PAXBP1: variants seen among roughly 807,000 people sequenced by gnomAD.
PAXBP1 encodes the protein PAX3 and PAX7 binding protein 1, also known as PAX3- and PAX7-binding protein 1.
A neutral mutation model predicts 119.9 loss-of-function variants in PAXBP1; 44 were observed. That is an observed-to-expected ratio of 0.37 (90% CI 0.29 to 0.47). The LOEUF is 0.47. Among genes scored for constraint, PAXBP1 ranks in the 20% least tolerant of loss-of-function variants. The pLI is 0.99. For missense variants in PAXBP1, 898 were observed against 1,134.1 expected (o/e 0.79, Z 2.99); for synonymous variants, 393 against 406.6 (o/e 0.97, Z 0.40).
chr21:32,769,243 T>C (rs1024675276), intron 2 of PAXBP1, among the ~76,000 whole-genome samples: 1 of 152,056 alleles, frequency 6.6e-6, no homozygotes, highest in Non-Finnish European at 1.5e-5. Flanking sequence ...AAAGACAAAA[T>C]AACCGCTTAA....
chr21:32,750,864 C>A (rs2146489284), intron 10 of PAXBP1, 53 bp downstream of exon 10: 2 of 1,338,214 alleles, frequency 1.5e-6, no homozygotes, highest in Non-Finnish European at 1.1e-6. Context: ...AAAAACCATA[C>A]CCAAGTAGAA....
chr21:32,740,329 C>T (rs984831533), intron 15 of PAXBP1, among the ~76,000 whole-genome samples: 1 of 152,198 alleles, frequency 6.6e-6, no homozygotes, highest in African/African-American at 2.4e-5. Flanking sequence ...ATTGATGTCT[C>T]GTGTCTCCCT....
At chr21:32,761,756 C>G (rs890514290) in intron 4 of PAXBP1, among the ~76,000 whole-genome samples, 1 of 151,888 alleles carries the variant, frequency 6.6e-6, no homozygotes, top group African/African-American at 2.4e-5. Flanking sequence ...CTTTGGGAGG[C>G]TGAGGCATGG....
chr21:32,752,660 ACG>A (rs2043974906), intron 8 of PAXBP1, among the ~76,000 whole-genome samples: 1 of 152,204 alleles, frequency 6.6e-6, no homozygotes, highest in Admixed American at 6.5e-5. Context: ...ATTTATTGAG[ACG>A]GAGTCTTGCT....
rs111862211 is a variant in PAXBP1, at chr21:32,753,158, T to G, written c.1508-1940A>C. ...CAAGAGTTTTCCTTCAAGAAATATT[T>G]TTAAAAATATCATTATACGGCTGGG... On this transcript the variant is annotated intron_variant, in intron 8 of 17. Coordinates refer to ENST00000331923, the MANE Select transcript of PAXBP1 (RefSeq NM_016631.4). 2.4e-3 allele frequency among the ~76,000 whole-genome samples: 372 copies of G among 152,064 alleles called. 1 individual carries two copies. Among genetic ancestry groups the G allele is most frequent in the African/African-American group, 8.2e-3 (340 of 41,514 alleles).
chr21:32,748,437 G>A (rs917770816), intron 11 of PAXBP1, 62 bp downstream of exon 11: 8 of 1,505,660 alleles, frequency 5.3e-6, no homozygotes, highest in Admixed American at 2.0e-5. Flanking sequence ...CTCTAGCTTT[G>A]AGATTAAAAT....
rs2044136884 is a variant in PAXBP1, at chr21:32,761,089, C to T, written c.945G>A (p.Glu315=). 2.5e-6 allele frequency: 4 copies of T among 1,613,958 alleles called. No individual in the cohort carries two copies. In the East Asian group the frequency reaches 8.9e-5, roughly 36 times the overall value. The part of the protein sequence containing the change: ...QDEELSRWEQ[E]QIRKGINIPQ... ...GGATATTAATTCCTTTCCTTATCTG[C>T]TCCTGTTCCCATCGGCTGAGCTCTT... The change falls in exon 5 of 18, where the codon GAG becomes GAA. Residue 315 remains glutamate, a synonymous_variant. Transcript: ENST00000331923.
Position 32,749,087 on chromosome 21 carries a change from A to C in PAXBP1, c.1724-389T>G, listed in dbSNP as rs576187878. On this transcript the variant is annotated intron_variant, in intron 10 of 17. Coordinates refer to ENST00000331923, the MANE Select transcript of PAXBP1 (RefSeq NM_016631.4). ...CAGCTGTGCATCATAATCAGTCACT[A>C]ATCACATTGCTTCATTCAAACTCTG... Among the ~76,000 whole-genome samples, 8 of 152,360 alleles carry C rather than the reference A, an allele frequency of 5.3e-5. No homozygotes were observed. The South Asian group carries it at 1.7e-3, about 32-fold the overall frequency.
In PAXBP1 at chr21:32,771,698, C is replaced by A. The variant is rs1051008485; in HGVS notation, c.-30G>T. On this transcript the variant is annotated 5_prime_UTR_variant, in exon 1 of 18. Coordinates refer to ENST00000331923, the MANE Select transcript of PAXBP1 (RefSeq NM_016631.4). Reference sequence around the variant, plus strand: ...GCGGCCCGCACGGCGGTCGAATACTCGCTTCCACACCGCGGCCCCGGCAGC... The same window carrying A: ...GCGGCCCGCACGGCGGTCGAATACTAGCTTCCACACCGCGGCCCCGGCAGC... The A allele has an allele frequency of 7.4e-7, 1 of 1,355,232 alleles. No homozygotes were observed. Among genetic ancestry groups the A allele is most frequent in the Non-Finnish European group, 9.5e-7 (1 of 1,054,614 alleles). The allele number at this position is 1,355,232 out of a possible 1,614,324, so 84.0% of individuals were successfully genotyped here.
In PAXBP1 at chr21:32,759,958, A is replaced by G; in HGVS notation, c.1012T>C (p.Tyr338His). 6.2e-7 allele frequency: 1 copy of G among 1,614,096 alleles called. No homozygotes were observed. Among genetic ancestry groups the G allele is most frequent in the Non-Finnish European group, 8.5e-7 (1 of 1,179,922 alleles). Residue 338 changes from tyrosine to histidine, a missense_variant, in exon 6 of 18, where the codon TAC becomes CAC. Tyr to His is a moderately conservative substitution (Grantham distance 83). This residue lies in a region of PAXBP1 where 599 missense variants were observed against 852.7 expected (regional missense o/e 0.70). Coordinates refer to ENST00000331923, the MANE Select transcript of PAXBP1 (RefSeq NM_016631.4). Reference sequence around the variant, plus strand: ...GGCATTGTCTGGTAAGTGTTCTGGTAGTACATATTCACTTCTGCGGGTTGA... The same window carrying G: ...GGCATTGTCTGGTAAGTGTTCTGGTGGTACATATTCACTTCTGCGGGTTGA... ...ASQPAEVNMY[Y>H]QNTYQTMPYG...
At chr21:32,758,644 T>TAAAAAAAAAAAAAAAAAAAAAAAAAAA (rs138934420) in intron 7 of PAXBP1, among the ~76,000 whole-genome samples, 1 of 104,108 alleles carries the variant, frequency 9.6e-6, no homozygotes. Flanking sequence ...TCATCCAGGG[T>TAAAAAAAAAAAAAAAAAAAAAAAAAAA]AAAAAAAAAA....
chr21:32,754,672 C>T (rs1489595924), intron 8 of PAXBP1, among the ~76,000 whole-genome samples: 2 of 152,128 alleles, frequency 1.3e-5, no homozygotes, highest in African/African-American at 2.4e-5. Context: ...CTAAAAAACA[C>T]AGTACATAAA....
In PAXBP1 at chr21:32,761,188, G is replaced by T. The variant is rs753874447; in HGVS notation, c.872-26C>A. Reference sequence around the variant, plus strand: ...CTACAGCCATGAGCAACAAAGAAAAGTAAGTAACACCCAAAGAGCAAAGAG... The same window carrying T: ...CTACAGCCATGAGCAACAAAGAAAATTAAGTAACACCCAAAGAGCAAAGAG... On this transcript the variant is annotated intron_variant, in intron 4 of 17. Coordinates refer to ENST00000331923, the MANE Select transcript of PAXBP1 (RefSeq NM_016631.4). 25 of 1,566,966 alleles carry T rather than the reference G, an allele frequency of 1.6e-5. No individual in the cohort carries two copies. The South Asian group carries it at 2.7e-4, about 17-fold the overall frequency.
Position 32,750,925 on chromosome 21 carries a change from A to T in PAXBP1, c.1715T>A (p.Leu572Gln). The change falls in exon 10 of 18, where the codon CTG (leucine) becomes CAG (glutamine). Residue 572 changes from leucine (L) to glutamine (Q), a missense_variant. Transcript: ENST00000331923. The part of the protein sequence containing the change: ...ETSTDITNFN[L>Q]EKDRISKESG... ...CCAAATAAATGTCTAACCTTTTTCCAGATTGAAATTAGTAATATCTGTAGA... is the reference window on the plus strand; with the variant it reads ...CCAAATAAATGTCTAACCTTTTTCCTGATTGAAATTAGTAATATCTGTAGA... The T allele has an allele frequency of 6.2e-7, 1 of 1,607,702 alleles. No homozygotes were observed. Among genetic ancestry groups the T allele is most frequent in the Non-Finnish European group, 8.5e-7 (1 of 1,176,776 alleles).
chr21:32,767,776 T>C (rs573747333), intron 2 of PAXBP1, among the ~76,000 whole-genome samples: 1 of 152,286 alleles, frequency 6.6e-6, no homozygotes, highest in South Asian at 2.1e-4. Context: ...GTAAGTCCAA[T>C]TAAACCTCTT....
At chr21:32,756,354 C>T (rs953884075) in intron 7 of PAXBP1, 1 of 526,756 alleles carries the variant, frequency 1.9e-6, no homozygotes, top group Non-Finnish European at 3.9e-6. Context: ...ATAGCAGCTT[C>T]CTGAACTGAA....
At position 32,748,512 on chromosome 21, in the gene PAXBP1, C is replaced by A; in HGVS notation, c.1910G>T (p.Trp637Leu). 6.2e-7 allele frequency: 1 copy of A among 1,613,330 alleles called. No individual in the cohort carries two copies. Among genetic ancestry groups the A allele is most frequent in the South Asian group, 1.1e-5 (1 of 90,932 alleles). ...GAAGCCACTCACCTCAAGAGGAGTC[C>A]AAGTGAGGAGCTGAAGTCGTATGAG... ...NPLIRLQLLT[W>L]TPLEAKCRDF... The change falls in exon 11 of 18, where the codon TGG (tryptophan) becomes TTG (leucine). Residue 637 changes from tryptophan (W) to leucine (L), a missense_variant. By Grantham distance (61) the Trp-to-Leu change is moderately conservative. Transcript: ENST00000331923.
chr21:32,741,612 G>A (rs773695848), intron 15 of PAXBP1: 1 of 748,352 alleles, frequency 1.3e-6, no homozygotes, highest in East Asian at 2.5e-5. Context: ...CTGGAATGGG[G>A]GTTTTATGAC....
At chr21:32,744,088 C>T (rs2043831297) in intron 13 of PAXBP1, among the ~76,000 whole-genome samples, 1 of 151,758 alleles carries the variant, frequency 6.6e-6, no homozygotes, top group African/African-American at 2.4e-5. Context: ...ATGAATGGCC[C>T]CTGAAGAGCA....
Sources: allele counts gnomAD v4.1 joint callset (sites outside exome capture counted in the v4.1 genomes callset), GRCh38; gene constraint gnomAD v4.1.1; regional missense constraint gnomAD v4.1.1; transcripts MANE v1.5; gene names NCBI Gene and HGNC (gene_info 2026-07-23, HGNC 2026-07-21).